Variants in HELQ observed in about 807,000 individuals in gnomAD.
HELQ encodes helicase, POLQ like.
Under a neutral mutation model 111.6 loss-of-function variants are expected in HELQ, and 77 were observed. The ratio of observed to expected loss-of-function variants is 0.69; its 90% CI spans 0.57 to 0.83. The LOEUF (loss-of-function observed/expected upper bound fraction) is 0.83. Among genes scored for constraint, HELQ ranks in the 40% least tolerant of loss-of-function variants. HELQ has a pLI of 0.00. For synonymous variants in HELQ, 438 were observed against 454.7 expected (o/e 0.96, Z 0.47); for missense variants, 1,200 against 1,288.5 (o/e 0.93, Z 1.05).
chr4:83,415,946 CATT>C (rs1560539722), intron 17 of HELQ, among the ~76,000 whole-genome samples: 2 of 135,058 alleles, frequency 1.5e-5, no homozygotes, highest in Admixed American at 7.2e-5. Context: ...CGAACCCAGC[CATT>C]TTTTTTTTTT....
Position 83,453,839 on chromosome 4 carries a change from T to A in HELQ, c.404A>T (p.Glu135Val). The A allele has an allele frequency of 1.2e-6, 2 of 1,614,078 alleles. No individual in the cohort carries two copies. The highest frequency in any genetic ancestry group is 2.2e-5 in the South Asian group (2 of 91,084). Residue 135 changes from glutamate to valine, a missense_variant, in exon 2 of 18, where the codon GAA becomes GTA. Around this residue, in one of 3 missense-constraint regions of HELQ, gnomAD observed 610 missense variants for 607.1 expected, o/e 1.00. Transcript: ENST00000295488. ...DLEQKYMQLP[E>V]HKKHATDFAT... ...AAAGTCTGTAGCATGTTTCTTATGTTCAGGGAGTTGCATATATTTTTGTTC... is the reference window on the plus strand; with the variant it reads ...AAAGTCTGTAGCATGTTTCTTATGTACAGGGAGTTGCATATATTTTTGTTC...
At position 83,419,364 on chromosome 4, in the gene HELQ, G is replaced by C. The variant is rs138077210; in HGVS notation, c.2950-1158C>G. 1.4e-3 allele frequency among the ~76,000 whole-genome samples: 199 copies of C among 147,216 alleles called. 1 individual carries two copies. The highest frequency in any genetic ancestry group is 4.8e-3 in the African/African-American group (190 of 39,244). On this transcript the variant is annotated intron_variant, in intron 15 of 17. Coordinates refer to ENST00000295488, the MANE Select transcript of HELQ (RefSeq NM_133636.5). ...AGGCCAAGGTGGGAGGACTGCTTGA[G>C]TCCAGGAGTTTGAGGCCAGCCTGGG...
At chr4:83,430,511 G>C (rs549679826) in intron 11 of HELQ, among the ~76,000 whole-genome samples, 104 of 152,096 alleles carry the variant, frequency 6.8e-4, no homozygotes, top group Non-Finnish European at 1.4e-3. Flanking sequence ...TTAGTATTCA[G>C]ATGTAGAGCT....
rs191626794 is a variant in HELQ at position 83,429,832 on chromosome 4, C to T, written c.2296-86G>A. The T allele has an allele frequency of 1.2e-3, 903 of 753,530 alleles. 2 individuals are homozygous for T. Among genetic ancestry groups the T allele is most frequent in the Middle Eastern group, 7.4e-3 (25 of 3,372 alleles). The allele number at this position is 753,530 out of a possible 1,614,324, so 46.7% of individuals were successfully genotyped here. A position where few individuals can be genotyped will look rare whatever the true frequency, so the allele number is the denominator to read the frequency against. ...CATATTAATCAAGATAACTCATTTC[C>T]ATACCTCAAAGCTATTTAAATAAAA... On this transcript the variant is annotated intron_variant, in intron 11 of 17. Transcript: ENST00000295488.
chr4:83,409,102 T>C (rs1209867120), intron 17 of HELQ, among the ~76,000 whole-genome samples: 2 of 152,006 alleles, frequency 1.3e-5, no homozygotes, highest in Non-Finnish European at 2.9e-5. Context: ...TGCATTCCTC[T>C]CCCACCCCAA....
chr4:83,444,174 T>C (rs1720922810), intron 5 of HELQ, among the ~76,000 whole-genome samples: 2 of 152,208 alleles, frequency 1.3e-5, no homozygotes, highest in African/African-American at 4.8e-5. Flanking sequence ...ACTAGGATAT[T>C]AAGGCTTCTA....
intron 10 of HELQ, 25 bp from the exon 11 acceptor site, chr4:83,431,793 G>A: frequency 1.1e-6 from 1 of 932,838 alleles, no homozygotes; most frequent in Non-Finnish European, 1.5e-6. Flanking sequence ...GCAAAACCAT[G>A]CCTTGTGTTA....
intron 14 of HELQ, 39 bp downstream of exon 14, chr4:83,425,955 G>A (rs757449236): frequency 4.9e-5 from 53 of 1,075,958 alleles, no homozygotes; most frequent in Non-Finnish European, 7.3e-5. Flanking sequence ...TAAGTGTTGA[G>A]TGAACTTATT....
At chr4:83,454,010 C>T in intron 1 of HELQ, 65 bp from the exon 2 acceptor site, 1 of 1,008,432 alleles carries the variant, frequency 9.9e-7, no homozygotes, top group Non-Finnish European at 1.5e-6. Flanking sequence ...GCTTCACCAG[C>T]CTGGCCAACA....
In HELQ at chr4:83,411,124, C is replaced by G. The variant is rs377243699; in HGVS notation, c.3199-3564G>C. The stretch of plus-strand genomic sequence containing the variant: ...GCAGTGAGGCATGATTGTGCCACTG[C>G]ATTCCAGTTGGAGTGAGAGGGAGAC... On this transcript the variant is annotated intron_variant, in intron 17 of 17. Transcript: ENST00000295488. 1.2e-4 allele frequency among the ~76,000 whole-genome samples: 16 copies of G among 130,688 alleles called. 1 individual carries two copies. Among genetic ancestry groups the G allele is most frequent in the Admixed American group, 1.1e-3 (13 of 11,764 alleles). The allele number at this position is 130,688 out of a possible 152,430, so 85.7% of individuals were successfully genotyped here.
Position 83,439,914 on chromosome 4 carries a change from C to T in HELQ, c.1757G>A (p.Ser586Asn). Residue 586 changes from serine to asparagine, a missense_variant, in exon 8 of 18, where the codon AGT becomes AAT. Ser to Asn is a conservative substitution (Grantham distance 46). Coordinates refer to ENST00000295488, the MANE Select transcript of HELQ (RefSeq NM_133636.5). The part of the protein sequence containing the change: ...PNYSCLVFCP[S>N]KKNCENVAEM... ...TGCTACATTTTCACAGTTCTTCTTACTAGGACAAAAAACTAAGCAGGAATA... is the reference window on the plus strand; with the variant it reads ...TGCTACATTTTCACAGTTCTTCTTATTAGGACAAAAAACTAAGCAGGAATA... The T allele has an allele frequency of 6.2e-7, 1 of 1,607,200 alleles. No homozygotes were observed. Among genetic ancestry groups the T allele is most frequent in the Non-Finnish European group, 8.5e-7 (1 of 1,174,554 alleles).
At chr4:83,433,342 A>T (rs1339813826) in intron 9 of HELQ, among the ~76,000 whole-genome samples, 1 of 152,164 alleles carries the variant, frequency 6.6e-6, no homozygotes, top group Admixed American at 6.5e-5. Context: ...CATTAACAGA[A>T]AATTCCAAAG....
Position 83,455,394 on chromosome 4 carries a change from T to G in HELQ, c.297+3A>C. ...GCAGTTTCAAGTTCCAAGTCCTCCGTACCTGGTCTCCCACCCCTCTGTCAG... is the reference window on the plus strand; with the variant it reads ...GCAGTTTCAAGTTCCAAGTCCTCCGGACCTGGTCTCCCACCCCTCTGTCAG... On this transcript the variant is annotated splice_donor_region_variant and intron_variant, in intron 1 of 17. Transcript: ENST00000295488. 1 of 1,609,170 alleles carries G rather than the reference T, an allele frequency of 6.2e-7. No homozygotes were observed. The highest frequency in any genetic ancestry group is 8.5e-7 in the Non-Finnish European group (1 of 1,175,762).
At chr4:83,420,237 T>C (rs757067942) in intron 15 of HELQ, among the ~76,000 whole-genome samples, 1 of 152,262 alleles carries the variant, frequency 6.6e-6, no homozygotes, top group Non-Finnish European at 1.5e-5. Context: ...ATGACCAGTA[T>C]AAGGTTTCCT....
chr4:83,440,403 G>C (rs1720701331), intron 7 of HELQ, among the ~76,000 whole-genome samples: 1 of 151,942 alleles, frequency 6.6e-6, no homozygotes, highest in African/African-American at 2.4e-5. Flanking sequence ...GTGTAAATAA[G>C]ACATGCCCTT....
In HELQ at chr4:83,440,019, A is replaced by G. The variant is rs1390879621; in HGVS notation, c.1663-11T>C. 1.2e-6 allele frequency: 2 copies of G among 1,602,192 alleles called. No individual in the cohort carries two copies. The highest frequency in any genetic ancestry group is 1.7e-6 in the Non-Finnish European group (2 of 1,175,816). On this transcript the variant is annotated splice_polypyrimidine_tract_variant and intron_variant, in intron 7 of 17. Coordinates refer to ENST00000295488, the MANE Select transcript of HELQ (RefSeq NM_133636.5). ...TAGGGTATCAGAATACTGCAAAACA[A>G]CAAGATGTAGGAACAAAGTGGTTAG...
chr4:83,427,790 G>T, intron 12 of HELQ, 70 bp from the exon 13 acceptor site: 1 of 1,148,700 alleles, frequency 8.7e-7, no homozygotes, highest in Non-Finnish European at 1.2e-6. Flanking sequence ...TTTAAATATT[G>T]TGTAGAAATT....
intron 14 of HELQ, 34 bp from the exon 15 acceptor site, chr4:83,421,770 A>AGACCTGCT: frequency 6.5e-7 from 1 of 1,537,756 alleles, no homozygotes; most frequent in Non-Finnish European, 8.9e-7. Context: ...TTCGTTTACT[A>AGACCTGCT]GACCTGCTAA....
At chr4:83,423,272 T>A (rs928033602) in intron 14 of HELQ, among the ~76,000 whole-genome samples, 7 of 151,418 alleles carry the variant, frequency 4.6e-5, no homozygotes, top group South Asian at 2.1e-4. Flanking sequence ...GTCTCTATTT[T>A]AAAAAAAACT....
Sources: allele counts gnomAD v4.1 joint callset (sites outside exome capture counted in the v4.1 genomes callset), GRCh38; gene constraint gnomAD v4.1.1; regional missense constraint gnomAD v4.1.1; transcripts MANE v1.5; gene names NCBI Gene and HGNC (gene_info 2026-07-23, HGNC 2026-07-21).